STXBP5L: variants seen among roughly 807,000 people sequenced by gnomAD.
STXBP5L encodes syntaxin binding protein 5L.
STXBP5L carries 65 observed loss-of-function variants against 144.5 expected under a neutral mutation model. That is an observed-to-expected ratio of 0.45 (90% CI 0.37 to 0.55). The LOEUF (loss-of-function observed/expected upper bound fraction) is 0.55, where lower values mean the gene tolerates loss of function less well. Among genes scored for constraint, STXBP5L ranks in the 20% least tolerant of loss-of-function variants. STXBP5L has a pLI of 0.00. For synonymous variants in STXBP5L, 505 were observed against 469.6 expected, an observed-to-expected ratio of 1.08 and a Z score of -0.97; for missense variants, 1,298 against 1,405.5, an observed-to-expected ratio of 0.92 and a Z score of 1.22.
intron 14 of STXBP5L, among the ~76,000 whole-genome samples, chr3:121,243,827 C>T (rs926614160): frequency 6.6e-6 from 1 of 152,284 alleles, no homozygotes; most frequent in East Asian, 1.9e-4. Context: ...AGCATTCCTA[C>T]GTGTGAAGTT....
intron 3 of STXBP5L, among the ~76,000 whole-genome samples, chr3:121,037,919 G>C (rs1946872454): frequency 6.6e-6 from 1 of 151,862 alleles, no homozygotes; most frequent in Admixed American, 6.6e-5. Context: ...ATTTCATTTA[G>C]ATTGTCAAAT....
chr3:121,362,685 C>T (rs1360395232), intron 20 of STXBP5L, among the ~76,000 whole-genome samples: 1 of 152,112 alleles, frequency 6.6e-6, no homozygotes, highest in East Asian at 1.9e-4. Context: ...GAGTCATGTC[C>T]TGGAATCAGG....
intron 3 of STXBP5L, among the ~76,000 whole-genome samples, chr3:121,006,168 T>C (rs1481493335): frequency 1.3e-5 from 2 of 152,192 alleles, no homozygotes; most frequent in Non-Finnish European, 2.9e-5. Flanking sequence ...AGTCTCCCAT[T>C]ATTTTTGTGT....
intron 18 of STXBP5L, among the ~76,000 whole-genome samples, chr3:121,262,346 TG>T (rs2050411174): frequency 6.6e-6 from 1 of 152,228 alleles, no homozygotes; most frequent in African/African-American, 2.4e-5. Flanking sequence ...AAATATCATC[TG>T]GGCTGGATGT....
At chr3:121,349,365 G>A (rs912080229) in intron 20 of STXBP5L, among the ~76,000 whole-genome samples, 1 of 151,870 alleles carries the variant, frequency 6.6e-6, no homozygotes, top group African/African-American at 2.4e-5. Flanking sequence ...GCTGAGGAGT[G>A]CTTTACTTCC....
intron 10 of STXBP5L, among the ~76,000 whole-genome samples, chr3:121,217,081 C>T (rs983542409): frequency 5.3e-5 from 8 of 152,146 alleles, no homozygotes; most frequent in African/African-American, 1.7e-4. Flanking sequence ...GTGCTGGCAG[C>T]GAGAATTTCA....
chr3:121,099,922 A>C (rs1288505676), intron 5 of STXBP5L: 1 of 152,206 alleles, frequency 6.6e-6, no homozygotes, highest in African/African-American at 2.4e-5. Flanking sequence ...TCTGTCACAC[A>C]AATCGAAAAC....
chr3:121,304,892 C>G (rs1259011035), intron 19 of STXBP5L, among the ~76,000 whole-genome samples: 2 of 151,270 alleles, frequency 1.3e-5, no homozygotes, highest in Non-Finnish European at 3.0e-5. Context: ...CAGAGTAGAT[C>G]AACAAAACCC....
intron 22 of STXBP5L, among the ~76,000 whole-genome samples, chr3:121,406,514 T>G (rs2046996654): frequency 6.6e-6 from 1 of 152,044 alleles, no homozygotes. Context: ...CCTCCTAAGC[T>G]TTATAGTATA....
chr3:121,379,349 C>T (rs924389181), intron 21 of STXBP5L, among the ~76,000 whole-genome samples: 1 of 151,876 alleles, frequency 6.6e-6, no homozygotes, highest in Non-Finnish European at 1.5e-5. Flanking sequence ...AAAGGAAGGT[C>T]TATTTGCTTA....
Position 121,264,480 on chromosome 3 carries a change from A to G in STXBP5L, c.1958+5312A>G, listed in dbSNP as rs144603740. On this transcript the variant is annotated intron_variant, in intron 18 of 26. Coordinates refer to ENST00000471454, the MANE Select transcript of STXBP5L (RefSeq NM_001308330.2). ...AGTAAGTCCCATAAAACTCCCATGG[A>G]GTTTTGGAAAGAAAAAACCGGTACT... Among the ~76,000 whole-genome samples the G allele has an allele frequency of 1.4e-3, 215 of 152,320 alleles. 1 individual carries two copies. Among genetic ancestry groups the G allele is most frequent in the African/African-American group, 4.8e-3 (199 of 41,578 alleles).
At chr3:121,237,493 C>A (rs907695880) in intron 12 of STXBP5L, among the ~76,000 whole-genome samples, 1 of 152,180 alleles carries the variant, frequency 6.6e-6, no homozygotes, top group Non-Finnish European at 1.5e-5. Flanking sequence ...TTCTGAAATG[C>A]CTTTTGTCCA....
chr3:121,303,664 G>A (rs1218132244), intron 19 of STXBP5L, among the ~76,000 whole-genome samples: 1 of 152,194 alleles, frequency 6.6e-6, no homozygotes, highest in Non-Finnish European at 1.5e-5. Context: ...TTAAGAAAAT[G>A]TGGCACATAT....
chr3:121,219,686 T>C (rs1366456597), intron 10 of STXBP5L, among the ~76,000 whole-genome samples: 1 of 152,178 alleles, frequency 6.6e-6, no homozygotes, highest in Non-Finnish European at 1.5e-5. Flanking sequence ...TGCTAATCTT[T>C]TAATCTGTTC....
rs748520624 is a variant in STXBP5L at position 121,419,108 on chromosome 3, A to G, written c.*11A>G. On this transcript the variant is annotated 3_prime_UTR_variant, in exon 27 of 27. Coordinates refer to ENST00000471454, the MANE Select transcript of STXBP5L (RefSeq NM_001308330.2). The stretch of plus-strand genomic sequence containing the variant: ...TGGTACCAATTCTGACTTCTAAAGA[A>G]GCTGTGACTGCTTTGAGAAACCATA... The G allele has an allele frequency of 1.2e-6, 2 of 1,608,730 alleles. No homozygotes were observed. Among genetic ancestry groups the G allele is most frequent in the East Asian group, 4.5e-5 (2 of 44,656 alleles).
At chr3:121,200,102 C>A (rs774462772) in intron 9 of STXBP5L, among the ~76,000 whole-genome samples, 1 of 152,092 alleles carries the variant, frequency 6.6e-6, no homozygotes, top group East Asian at 1.9e-4. Flanking sequence ...GGCTGTGAAT[C>A]CATCCGTTCT....
intron 14 of STXBP5L, among the ~76,000 whole-genome samples, chr3:121,245,053 G>A (rs1052624287): frequency 6.6e-6 from 1 of 151,872 alleles, no homozygotes; most frequent in Admixed American, 6.6e-5. Flanking sequence ...TTTTAAAGAT[G>A]GTGGATAAAT....
chr3:120,967,261 G>A (rs1476357013), intron 3 of STXBP5L, among the ~76,000 whole-genome samples: 3 of 152,186 alleles, frequency 2.0e-5, no homozygotes, highest in African/African-American at 2.4e-5. Flanking sequence ...TCCTGGGTGA[G>A]ACAATGCATC....
chr3:121,345,209 T>A (rs1032123451), intron 20 of STXBP5L, among the ~76,000 whole-genome samples: 2 of 152,010 alleles, frequency 1.3e-5, no homozygotes, highest in Non-Finnish European at 2.9e-5. Flanking sequence ...TCACCCTGTA[T>A]CCAAGTGATC....
Sources: allele counts gnomAD v4.1 joint callset (sites outside exome capture counted in the v4.1 genomes callset), GRCh38; gene constraint gnomAD v4.1.1; transcripts MANE v1.5; gene names NCBI Gene and HGNC (gene_info 2026-07-23, HGNC 2026-07-21).